The following NRXN2 variants were observed in gnomAD, a reference collection of about 807,000 sequenced individuals.
The protein encoded by NRXN2 is neurexin-2-beta.
Under a neutral mutation model 128.8 loss-of-function variants are expected in NRXN2, and 29 were observed. The ratio of observed to expected loss-of-function variants is 0.23; its 90% CI spans 0.17 to 0.31. The LOEUF (loss-of-function observed/expected upper bound fraction) is 0.31, where lower values mean the gene tolerates loss of function less well. Among genes scored for constraint, NRXN2 ranks in the 10% least tolerant of loss-of-function variants. The probability of loss-of-function intolerance (pLI) is 1.00; values close to 1 mark genes in which losing one functional copy is unlikely to be tolerated. For synonymous variants in NRXN2, 1,098 were observed against 1,075.2 expected (o/e 1.02, Z -0.41); for missense variants, 1,881 against 2,452.6 (o/e 0.77, Z 4.92).
chr11:64,622,636 AG>A lies in NRXN2; in HGVS notation c.4173+116del. On this transcript the variant is annotated intron_variant, in intron 21 of 22. Transcript: ENST00000265459. The surrounding 1 kb of genome is among the most constrained non-coding windows in gnomAD (Gnocchi z 4.3). ...AACAAAGTCAGCGACAGCAGCCTTCAGGATCCCAACAGACCCCTTGGACCCT... is the reference window on the plus strand; with the variant it reads ...AACAAAGTCAGCGACAGCAGCCTTCAGATCCCAACAGACCCCTTGGACCCT... 1 of 1,418,436 alleles carries A rather than the reference AG, an allele frequency of 7.1e-7. No homozygotes were observed. The highest frequency in any genetic ancestry group is 9.5e-7 in the Non-Finnish European group (1 of 1,052,922). 87.9% of individuals were successfully genotyped at this position (1,418,436 alleles called of 1,614,324 possible).
At chr11:64,653,104 G>A (rs2047713930) in intron 12 of NRXN2, among the ~76,000 whole-genome samples, 1 of 152,032 alleles carries the variant, frequency 6.6e-6, no homozygotes. Flanking sequence ...AGGCGCACTG[G>A]GATGTCTGGA....
chr11:64,663,352 G>A (rs2049325749), intron 9 of NRXN2, among the ~76,000 whole-genome samples: 1 of 150,302 alleles, frequency 6.7e-6, no homozygotes, highest in African/African-American at 2.5e-5. Context: ...GGCAGCCTGG[G>A]CGACAAGAGC....
chr11:64,659,162 T>C (rs1174199264), intron 11 of NRXN2, among the ~76,000 whole-genome samples: 1 of 152,220 alleles, frequency 6.6e-6, no homozygotes, highest in East Asian at 1.9e-4. Flanking sequence ...ATACGGCTGG[T>C]GCTACACCTT....
intron 17 of NRXN2, among the ~76,000 whole-genome samples, chr11:64,640,274 G>A (rs955035952): frequency 1.6e-4 from 24 of 152,224 alleles, no homozygotes; most frequent in African/African-American, 5.1e-4. Flanking sequence ...GCTCCTTCAC[G>A]GAATCTTCCT....
intron 17 of NRXN2, among the ~76,000 whole-genome samples, chr11:64,646,226 T>C (rs1402809711): frequency 6.6e-6 from 1 of 152,122 alleles, no homozygotes; most frequent in Non-Finnish European, 1.5e-5. Context: ...TGCTTGGGGA[T>C]GGTGACGCCT....
intron 17 of NRXN2, chr11:64,643,362 A>C (rs894155549): frequency 1.0e-4 from 2 of 19,652 alleles, no homozygotes; most frequent in Non-Finnish European, 7.0e-5. Context: ...CGGCCGGGGG[A>C]GGGGGGGGCG....
intron 18 of NRXN2, among the ~76,000 whole-genome samples, chr11:64,634,041 A>T (rs573519234): frequency 9.2e-5 from 14 of 152,248 alleles, no homozygotes; most frequent in African/African-American, 3.4e-4. Flanking sequence ...CTACTGTGTA[A>T]TGAAGGCCAG....
At chr11:64,711,980 C>T (rs536813038) in intron 2 of NRXN2, among the ~76,000 whole-genome samples, 7 of 152,232 alleles carry the variant, frequency 4.6e-5, no homozygotes, top group East Asian at 1.9e-4. Context: ...AGCGTCCTCA[C>T]GCCTAGGCCC....
rs991508929 is a variant in NRXN2 at position 64,713,646 on chromosome 11, C to A, written c.54G>T (p.Leu18=). Residue 18 remains leucine (L), a synonymous_variant, in exon 2 of 23, where the codon CTG becomes CTT. Transcript: ENST00000265459. ...CCGCGCGCGCCGCCAGCGCCAGCAG[C>A]AGCAGCAACAGCAGCGGCGGCGGTG... ...RPTPPPLLLL[L]LLALAARADG... The A allele has an allele frequency of 8.2e-7, 1 of 1,224,346 alleles. No homozygotes were observed. Among genetic ancestry groups the A allele is most frequent in the South Asian group, 3.0e-5 (1 of 33,390 alleles). The allele number at this position is 1,224,346 out of a possible 1,614,324, so 75.8% of individuals were successfully genotyped here.
chr11:64,695,801 C>T (rs2054425684), intron 3 of NRXN2, among the ~76,000 whole-genome samples: 1 of 152,058 alleles, frequency 6.6e-6, no homozygotes, highest in African/African-American at 2.4e-5. Flanking sequence ...CACAGTGCCA[C>T]ATCTAAACCA....
intron 1 of NRXN2, among the ~76,000 whole-genome samples, chr11:64,715,974 C>T (rs1268891514): frequency 6.6e-6 from 1 of 152,182 alleles, no homozygotes. Flanking sequence ...GAAGGGGGCT[C>T]CTCAGGCATG....
chr11:64,686,086 C>T, intron 5 of NRXN2, 139 bp from the exon 6 acceptor site: 1 of 850,822 alleles, frequency 1.2e-6, no homozygotes. Context: ...CTTTAGGCCC[C>T]TTTCCCTCCC....
At chr11:64,687,179 T>C (rs940772607) in intron 5 of NRXN2, among the ~76,000 whole-genome samples, 6 of 152,180 alleles carry the variant, frequency 3.9e-5, no homozygotes, top group South Asian at 2.1e-4. Flanking sequence ...GAATTCTCAA[T>C]AGATGCTCCC....
chr11:64,693,155 T>G (rs1592156248), intron 3 of NRXN2, among the ~76,000 whole-genome samples: 18 of 78,464 alleles, frequency 2.3e-4, no homozygotes, highest in Admixed American at 7.6e-4. Flanking sequence ...TCAGAGAGGG[T>G]GAGAGGGGTA....
intron 1 of NRXN2, among the ~76,000 whole-genome samples, chr11:64,720,378 G>T (rs2057403672): frequency 6.6e-6 from 1 of 152,224 alleles, no homozygotes; most frequent in Non-Finnish European, 1.5e-5. Flanking sequence ...GGGCATCCCC[G>T]TGGGGGCTGG....
Position 64,606,175 on chromosome 11 carries a change from T to C in NRXN2, c.*1021A>G, listed in dbSNP as rs1212829066. On this transcript the variant is annotated 3_prime_UTR_variant, in exon 23 of 23. Coordinates refer to ENST00000265459, the MANE Select transcript of NRXN2 (RefSeq NM_015080.4). ...CCCCAAAAAAACTGCACAGGACCGT[T>C]GGAATTTGGAAAGTTTTTGTTTTCT... 2.0e-5 allele frequency: 3 copies of C among 152,400 alleles called. No homozygotes were observed. Among genetic ancestry groups the C allele is most frequent in the South Asian group, 2.1e-4 (1 of 4,834 alleles). 9.4% of individuals were successfully genotyped at this position (152,400 alleles called of 1,614,324 possible). A position where few individuals can be genotyped will look rare whatever the true frequency, so the allele number is the denominator to read the frequency against.
rs117689151 is a variant in NRXN2, at chr11:64,622,588, G to A, written c.4173+165C>T. 0.021 allele frequency: 10,013 copies of A among 482,492 alleles called. 139 individuals carry two copies. Among genetic ancestry groups the A allele is most frequent in the South Asian group, 0.034 (391 of 11,406 alleles). The allele number at this position is 482,492 out of a possible 1,614,324, so 29.9% of individuals were successfully genotyped here. A position where few individuals can be genotyped will look rare whatever the true frequency, so the allele number is the denominator to read the frequency against. On this transcript the variant is annotated intron_variant, in intron 21 of 22. Transcript: ENST00000265459. This position sits in a 1 kb window ranked among gnomAD's most constrained non-coding sequence, Gnocchi z 4.3. ...TAGGGTGAAGGCCACTTCCTGAAAG[G>A]TGACCTTGCCCATCGCCATGGCAAC...
intron 9 of NRXN2, among the ~76,000 whole-genome samples, chr11:64,662,954 A>C (rs981238327): frequency 3.3e-5 from 5 of 152,134 alleles, no homozygotes; most frequent in African/African-American, 1.2e-4. Context: ...TGAGGCCTGA[A>C]TTTGGCAGGG....
At chr11:64,661,668 C>T (rs900640038) in intron 9 of NRXN2, among the ~76,000 whole-genome samples, 10 of 152,186 alleles carry the variant, frequency 6.6e-5, no homozygotes, top group Admixed American at 3.3e-4. Flanking sequence ...TCACTTAAGT[C>T]TCATAATAAC....
Sources: allele counts gnomAD v4.1 joint callset (sites outside exome capture counted in the v4.1 genomes callset), GRCh38; gene constraint gnomAD v4.1.1; non-coding constraint Gnocchi (gnomAD v3.1); transcripts MANE v1.5; gene names NCBI Gene and HGNC (gene_info 2026-07-23, HGNC 2026-07-21).